The following ST18 variants were observed in gnomAD, a reference collection of about 807,000 sequenced individuals.
ST18 encodes ST18 C2H2C-type zinc finger transcription factor, also known as suppression of tumorigenicity 18 protein.
A neutral mutation model predicts 110.0 loss-of-function variants in ST18; 50 were observed. The ratio of observed to expected loss-of-function variants is 0.45; its 90% CI spans 0.36 to 0.58. The LOEUF (loss-of-function observed/expected upper bound fraction) is 0.58, where lower values mean the gene tolerates loss of function less well. Ranked by LOEUF, ST18 falls within the 20% of genes least tolerant of loss-of-function variation. The pLI is 0.00. For synonymous variants in ST18, 461 were observed against 452.4 expected, an observed-to-expected ratio of 1.02 and a Z score of -0.24; for missense variants, 1,306 against 1,280.1, an observed-to-expected ratio of 1.02 and a Z score of -0.31.
rs899406208 is a variant in ST18 at position 52,149,754 on chromosome 8, C to T, written c.2030G>A (p.Gly677Glu). 6.2e-7 allele frequency: 1 copy of T among 1,613,964 alleles called. No homozygotes were observed. Among genetic ancestry groups the T allele is most frequent in the Non-Finnish European group, 8.5e-7 (1 of 1,179,930 alleles). The change falls in exon 16 of 26, where the codon GGG becomes GAG. Residue 677 changes from glycine to glutamate, a missense_variant. By Grantham distance (98) the Gly-to-Glu change is moderately conservative (BLOSUM62 -2). Coordinates refer to ENST00000689386, the MANE Select transcript of ST18 (RefSeq NM_001352837.2). ...TACCTCTTTCTCCTCCTCTGTCTTC[C>T]CGTGAGTTTTGCTATAGTTGATAGG... Reference protein sequence around the residue: ...DTPINYSKTHGKTEEEKEKDP... With the variant: ...DTPINYSKTHEKTEEEKEKDP...
At chr8:52,226,747 G>A (rs1388800858) in intron 3 of ST18, among the ~76,000 whole-genome samples, 1 of 152,138 alleles carries the variant, frequency 6.6e-6, no homozygotes, top group Non-Finnish European at 1.5e-5. Flanking sequence ...ACCTGATAAT[G>A]TCAAAACATT....
chr8:52,171,851 C>G lies in ST18; in HGVS notation c.1010G>C (p.Gly337Ala). The G allele has an allele frequency of 1.2e-6, 2 of 1,614,170 alleles. No homozygotes were observed. The highest frequency in any genetic ancestry group is 1.7e-6 in the Non-Finnish European group (2 of 1,180,020). The change falls in exon 10 of 26, where the codon GGG becomes GCG. Residue 337 changes from glycine to alanine, a missense_variant. Physicochemically the swap from Gly to Ala is moderately conservative, Grantham distance 60 (BLOSUM62 0). Transcript: ENST00000689386. ...GATAACTTTGGTTTGCCTCCTTTCC[C>G]CTGCTAGGTGCTCCAGCAGGAACCT... ...LDRFLLEHLA[G>A]ERRQTKVIDM...
At chr8:52,214,643 C>T (rs577650551) in intron 6 of ST18, among the ~76,000 whole-genome samples, 1 of 152,266 alleles carries the variant, frequency 6.6e-6, no homozygotes, top group South Asian at 2.1e-4. Context: ...AGTCCTTTTA[C>T]ATTTCCAGAC....
At chr8:52,300,272 C>T (rs1201197835) in intron 2 of ST18, among the ~76,000 whole-genome samples, 1 of 152,050 alleles carries the variant, frequency 6.6e-6, no homozygotes, top group African/African-American at 2.4e-5. Context: ...GAGATGGCTG[C>T]GTGTTATATT....
chr8:52,192,715 A>G (rs1049780106), intron 8 of ST18, among the ~76,000 whole-genome samples: 3 of 152,230 alleles, frequency 2.0e-5, no homozygotes, highest in African/African-American at 7.2e-5. Context: ...GGTTTACCAT[A>G]ATTTCCAGTG....
intron 8 of ST18, among the ~76,000 whole-genome samples, chr8:52,190,220 G>A (rs917892578): frequency 1.3e-5 from 2 of 152,098 alleles, no homozygotes; most frequent in Non-Finnish European, 2.9e-5. Flanking sequence ...ATATAAAACA[G>A]AAATGAATTT....
intron 2 of ST18, among the ~76,000 whole-genome samples, chr8:52,263,174 C>T (rs1354540973): frequency 6.6e-6 from 1 of 152,204 alleles, no homozygotes; most frequent in East Asian, 1.9e-4. Context: ...CAGTGATTAT[C>T]ACATTGCAAT....
In ST18 at chr8:52,394,495, C is replaced by G. The variant is rs376588517; in HGVS notation, c.-465+14833G>C. On this transcript the variant is annotated intron_variant, in intron 2 of 25. Coordinates refer to ENST00000689386, the MANE Select transcript of ST18 (RefSeq NM_001352837.2). ...ATCCCATGAGAGCTGCTCAGACTTC[C>G]CATCCTCTGTTTTCCAATCCCTGCC... Among the ~76,000 whole-genome samples the G allele has an allele frequency of 4.6e-5, 7 of 152,288 alleles. No individual in the cohort carries two copies. The South Asian group carries it at 1.5e-3, about 32-fold the overall frequency.
intron 23 of ST18, among the ~76,000 whole-genome samples, chr8:52,121,063 T>C (rs950678389): frequency 7.2e-5 from 11 of 152,112 alleles, no homozygotes; most frequent in African/African-American, 2.7e-4. Context: ...TAAGTAAAAG[T>C]TCAATTTTGG....
chr8:52,233,369 G>A (rs973834572), intron 2 of ST18, among the ~76,000 whole-genome samples: 1 of 151,922 alleles, frequency 6.6e-6, no homozygotes, highest in Admixed American at 6.6e-5. Flanking sequence ...TTTATTTCTC[G>A]GTAACATGGG....
chr8:52,393,199 C>T (rs931122005), intron 2 of ST18, among the ~76,000 whole-genome samples: 29 of 152,188 alleles, frequency 1.9e-4, no homozygotes, highest in Admixed American at 1.3e-3. Flanking sequence ...ACAATCCACA[C>T]ATCTATTAAA....
At chr8:52,127,603 G>A (rs556520039) in intron 22 of ST18, among the ~76,000 whole-genome samples, 12 of 152,230 alleles carry the variant, frequency 7.9e-5, no homozygotes, top group African/African-American at 2.9e-4. Flanking sequence ...ACCCTTAAAG[G>A]ATCTACTCTG....
At position 52,116,220 on chromosome 8, in the gene ST18, T is replaced by G. The variant is rs1023875020; in HGVS notation, c.3003+55A>C. ...CGTGGCAACCCCGTGGGTAGATGCA[T>G]GATGACACTGCAAATGCTTGTAATG... On this transcript the variant is annotated intron_variant, in intron 25 of 25. Coordinates refer to ENST00000689386, the MANE Select transcript of ST18 (RefSeq NM_001352837.2). The G allele has an allele frequency of 2.5e-6, 4 of 1,582,572 alleles. No homozygotes were observed. In the South Asian group the frequency reaches 4.7e-5, roughly 18 times the overall value.
chr8:52,175,155 T>C (rs375835690), intron 9 of ST18, among the ~76,000 whole-genome samples: 5 of 152,226 alleles, frequency 3.3e-5, no homozygotes, highest in African/African-American at 1.2e-4. Context: ...TTGAGGACAA[T>C]AGTTATCACC....
chr8:52,366,219 C>T (rs1827877037), intron 2 of ST18, among the ~76,000 whole-genome samples: 1 of 152,136 alleles, frequency 6.6e-6, no homozygotes, highest in Admixed American at 6.5e-5. Context: ...GTTCCCACTG[C>T]CCCTACTTCC....
intron 2 of ST18, among the ~76,000 whole-genome samples, chr8:52,333,121 A>T (rs1285732088): frequency 6.6e-6 from 1 of 151,648 alleles, no homozygotes; most frequent in African/African-American, 2.4e-5. Context: ...CAGAGGAGAG[A>T]CTCAACTTTG....
chr8:52,374,855 A>T (rs1831632365), intron 2 of ST18, among the ~76,000 whole-genome samples: 1 of 152,222 alleles, frequency 6.6e-6, no homozygotes, highest in African/African-American at 2.4e-5. Flanking sequence ...CCTGCAAAGG[A>T]CATGATCTCA....
chr8:52,371,216 T>C (rs2360790), intron 2 of ST18, among the ~76,000 whole-genome samples: 121,155 of 151,862 alleles, frequency 0.8, 50,851 homozygotes, highest in Non-Finnish European at 0.92. Flanking sequence ...CTCTTAGCTT[T>C]CTAGGTAAAA....
chr8:52,390,635 G>A (rs1280759322), intron 2 of ST18, among the ~76,000 whole-genome samples: 1 of 152,228 alleles, frequency 6.6e-6, no homozygotes, highest in Non-Finnish European at 1.5e-5. Context: ...GCAAGAAAGA[G>A]AAATGATGGG....
Sources: gnomAD v4.1 joint callset for allele counts (sites outside exome capture counted in the v4.1 genomes callset) on GRCh38, gnomAD v4.1.1 for gene constraint, MANE v1.5 for transcripts, NCBI Gene and HGNC (gene_info 2026-07-23, HGNC 2026-07-21) for gene names.